The following LRPPRC variants were observed in gnomAD, a reference collection of about 807,000 sequenced individuals.
LRPPRC encodes leucine rich pentatricopeptide repeat containing, also known as leucine-rich PPR motif-containing protein, mitochondrial.
In LRPPRC, 120 loss-of-function variants were observed where a neutral mutation model predicts 180.3. The observed-to-expected ratio is 0.67, with a 90% CI of 0.57 to 0.77. LRPPRC has a LOEUF of 0.77. Ranked by LOEUF, LRPPRC falls within the 30% of genes least tolerant of loss-of-function variation. The pLI, the probability that LRPPRC is intolerant of heterozygous loss-of-function variation, is 0.00. For missense variants in LRPPRC, 2,012 were observed against 1,657.2 expected (o/e 1.21, Z -3.72); for synonymous variants, 723 against 600.0 (o/e 1.21, Z -3.00).
At chr2:43,909,329 C>T (rs7607551) in intron 30 of LRPPRC, among the ~76,000 whole-genome samples, 91,043 of 151,898 alleles carry the variant, frequency 0.6, 29,550 homozygotes, top group East Asian at 0.98. Context: ...CACAGACGCA[C>T]GGAGGAAGGC....
intron 13 of LRPPRC, among the ~76,000 whole-genome samples, chr2:43,957,843 CAT>C (rs1005906604): frequency 1.1e-4 from 16 of 152,252 alleles, no homozygotes; most frequent in Non-Finnish European, 2.1e-4. Context: ...AAAGACAGCA[CAT>C]GAGAGGAAAA....
intron 11 of LRPPRC, among the ~76,000 whole-genome samples, chr2:43,972,606 G>C (rs541403396): frequency 1.3e-5 from 2 of 152,276 alleles, no homozygotes; most frequent in East Asian, 3.9e-4. Context: ...TATACAAAGA[G>C]TTAATCAAAC....
At chr2:43,952,797 G>C (rs1336108731) in intron 14 of LRPPRC, among the ~76,000 whole-genome samples, 1 of 152,150 alleles carries the variant, frequency 6.6e-6, no homozygotes, top group African/African-American at 2.4e-5. Flanking sequence ...TCCCCTAAAA[G>C]AATCCCATAA....
chr2:43,952,644 A>G (rs1445978190), intron 14 of LRPPRC, among the ~76,000 whole-genome samples: 1 of 152,212 alleles, frequency 6.6e-6, no homozygotes, highest in Non-Finnish European at 1.5e-5. Context: ...AAAGTGACCC[A>G]GACTTTGTAC....
intron 23 of LRPPRC, among the ~76,000 whole-genome samples, chr2:43,936,312 T>C (rs1487485768): frequency 6.6e-6 from 1 of 152,298 alleles, no homozygotes; most frequent in East Asian, 1.9e-4. Context: ...TTAAAAGCAC[T>C]GGTATTTGAA....
At chr2:43,970,052 T>C (rs1379858861) in intron 11 of LRPPRC, among the ~76,000 whole-genome samples, 1 of 152,178 alleles carries the variant, frequency 6.6e-6, no homozygotes. Context: ...TACATAATCC[T>C]GAAAAGTTTC....
Position 43,960,632 on chromosome 2 carries a change from T to A in LRPPRC, c.1491A>T (p.Glu497Asp), listed in dbSNP as rs571886021. ...TATCACTATCAGACAGACATCCATT[T>A]TCCTGGAGATAAAGCATATATCAAT... The part of the protein sequence containing the change: ...SVNSARAILQ[E>D]NGCLSDSDMF... Residue 497 changes from glutamate to aspartate, a missense_variant and splice_region_variant, in exon 13 of 38, where the codon GAA becomes GAT. Coordinates refer to ENST00000260665, the MANE Select transcript of LRPPRC (RefSeq NM_133259.4). 524 of 1,527,676 alleles carry A rather than the reference T, an allele frequency of 3.4e-4. 18 individuals carry two copies. The South Asian group carries it at 5.7e-3, about 17-fold the overall frequency. 94.6% of individuals were successfully genotyped at this position (1,527,676 alleles called of 1,614,324 possible).
intron 29 of LRPPRC, among the ~76,000 whole-genome samples, chr2:43,916,668 T>C (rs1172812815): frequency 6.6e-6 from 1 of 152,112 alleles, no homozygotes; most frequent in African/African-American, 2.4e-5. Context: ...TGAAGAATAG[T>C]ACAGGTTGGG....
intron 25 of LRPPRC, among the ~76,000 whole-genome samples, chr2:43,931,696 G>C (rs539516964): frequency 3.3e-5 from 5 of 152,254 alleles, no homozygotes; most frequent in Admixed American, 1.3e-4. Flanking sequence ...AGAGACCTGA[G>C]TTAACAGAAA....
intron 29 of LRPPRC, among the ~76,000 whole-genome samples, chr2:43,913,538 A>C (rs1002375078): frequency 3.9e-5 from 6 of 152,230 alleles, no homozygotes; most frequent in Non-Finnish European, 7.3e-5. Context: ...TGAGTTAGGG[A>C]ATGTGTGCAT....
rs1371286323 is a variant in LRPPRC at position 43,886,260 on chromosome 2, T to G, written c.*2340A>C. On this transcript the variant is annotated 3_prime_UTR_variant, in exon 38 of 38. Coordinates refer to ENST00000260665, the MANE Select transcript of LRPPRC (RefSeq NM_133259.4). ...TATACTTTATTCAAAGCATTTCAGTTAAAATTATTTTGGGTTCAAATACAT... is the reference window on the plus strand; with the variant it reads ...TATACTTTATTCAAAGCATTTCAGTGAAAATTATTTTGGGTTCAAATACAT... 1.3e-5 allele frequency among the ~76,000 whole-genome samples: 2 copies of G among 152,114 alleles called. No individual in the cohort carries two copies. The highest frequency in any genetic ancestry group is 2.4e-5 in the African/African-American group (1 of 41,430).
At chr2:43,930,709 C>T (rs1255837001) in intron 25 of LRPPRC, among the ~76,000 whole-genome samples, 1 of 152,064 alleles carries the variant, frequency 6.6e-6, no homozygotes, top group Non-Finnish European at 1.5e-5. Context: ...ATGTCATTAC[C>T]ATTTTGAAAG....
chr2:43,980,414 G>A (rs1462458757), intron 2 of LRPPRC, among the ~76,000 whole-genome samples: 4 of 151,988 alleles, frequency 2.6e-5, no homozygotes, highest in Non-Finnish European at 4.4e-5. Context: ...TTAGCTGGGC[G>A]AGATGGCGCA....
intron 11 of LRPPRC, among the ~76,000 whole-genome samples, chr2:43,973,011 T>A (rs1328319575): frequency 1.3e-5 from 2 of 152,222 alleles, no homozygotes; most frequent in African/African-American, 4.8e-5. Flanking sequence ...CAATTCTTAT[T>A]CATATCCTAT....
rs116710665 is a variant in LRPPRC, at chr2:43,994,333, T to C, written c.149+1466A>G. On this transcript the variant is annotated intron_variant, in intron 1 of 37. Coordinates refer to ENST00000260665, the MANE Select transcript of LRPPRC (RefSeq NM_133259.4). ...TCATAAATTATTTCCTCCACGTAATTTTATGGCGAGATTAGGTGTTCAGGC... is the reference window on the plus strand; with the variant it reads ...TCATAAATTATTTCCTCCACGTAATCTTATGGCGAGATTAGGTGTTCAGGC... 6.1e-3 allele frequency among the ~76,000 whole-genome samples: 923 copies of C among 152,296 alleles called. 8 individuals are homozygous for C. Among genetic ancestry groups the C allele is most frequent in the Non-Finnish European group, 0.01 (707 of 68,030 alleles).
In LRPPRC at chr2:43,943,713, G is replaced by A. The variant is rs748688189; in HGVS notation, c.2478C>T (p.Phe826=). ...TTTCCAAGTGTACAGTGACCAATGG[G>A]AAACTTATGTTGGTGGATGGTTCTG... is the stretch of plus-strand genomic sequence containing the variant. ...GLAEPSTNIS[F]PLVTVHLEKG... Residue 826 remains phenylalanine, a synonymous_variant, in exon 23 of 38, where the codon TTC becomes TTT. Coordinates refer to ENST00000260665, the MANE Select transcript of LRPPRC (RefSeq NM_133259.4). The A allele has an allele frequency of 3.1e-6, 5 of 1,613,306 alleles. No homozygotes were observed. The South Asian group carries it at 4.4e-5, about 14-fold the overall frequency.
chr2:43,933,077 A>G (rs549092401), intron 25 of LRPPRC, among the ~76,000 whole-genome samples: 3 of 152,340 alleles, frequency 2.0e-5, no homozygotes, highest in African/African-American at 7.2e-5. Context: ...ACCATTTTCT[A>G]GAAAATGTAA....
chr2:43,981,065 C>A (rs1268492052), intron 2 of LRPPRC, among the ~76,000 whole-genome samples: 1 of 152,102 alleles, frequency 6.6e-6, no homozygotes, highest in Non-Finnish European at 1.5e-5. Flanking sequence ...TAGGAAGCTA[C>A]AGAATCCTCT....
chr2:43,915,733 C>A (rs541071087), intron 29 of LRPPRC, among the ~76,000 whole-genome samples: 13 of 152,270 alleles, frequency 8.5e-5, no homozygotes, highest in African/African-American at 2.4e-4. Context: ...ACTGAGGAGG[C>A]ATAAGAACTT....
Sources: allele counts gnomAD v4.1 joint callset (sites outside exome capture counted in the v4.1 genomes callset), GRCh38; gene constraint gnomAD v4.1.1; transcripts MANE v1.5; gene names NCBI Gene and HGNC (gene_info 2026-07-23, HGNC 2026-07-21).